The following WASF2 variants were observed in gnomAD, a reference collection of about 807,000 sequenced individuals.
WASF2 encodes the protein WASP family member 2, also known as actin-binding protein WASF2.
Under a neutral mutation model 45.0 loss-of-function variants are expected in WASF2, and 14 were observed. That is an observed-to-expected ratio of 0.31 (90% CI 0.21 to 0.49). WASF2 has a LOEUF of 0.49. WASF2 is among the 20% of genes least tolerant of loss of function. The pLI, the probability that WASF2 is intolerant of heterozygous loss-of-function variation, is 0.99. For missense variants in WASF2, 439 were observed against 636.1 expected (o/e 0.69, Z 3.33); for synonymous variants, 200 against 236.3 (o/e 0.85, Z 1.41).
At chr1:27,456,174 T>C (rs1184656169) in intron 1 of WASF2, among the ~76,000 whole-genome samples, 2 of 151,688 alleles carry the variant, frequency 1.3e-5, no homozygotes, top group Non-Finnish European at 2.9e-5. Flanking sequence ...TACAAAAAAT[T>C]AGCCAGGCGT....
intron 1 of WASF2, among the ~76,000 whole-genome samples, chr1:27,445,517 A>G (rs1207847558): frequency 6.6e-6 from 1 of 152,228 alleles, no homozygotes; most frequent in East Asian, 1.9e-4. Flanking sequence ...CTGCATGCTA[A>G]CACAAGAAAG....
chr1:27,477,815 C>A (rs1295303462), intron 1 of WASF2, among the ~76,000 whole-genome samples: 1 of 119,992 alleles, frequency 8.3e-6, no homozygotes, highest in Admixed American at 7.6e-5. Context: ...AGGAGAATGG[C>A]GTGAACCCGG....
At chr1:27,415,549 C>A (rs952091154) in intron 5 of WASF2, among the ~76,000 whole-genome samples, 1 of 152,126 alleles carries the variant, frequency 6.6e-6, no homozygotes, top group African/African-American at 2.4e-5. Flanking sequence ...TATATCCCCC[C>A]ACCCTAGCCC....
chr1:27,470,342 G>A (rs1416661069), intron 1 of WASF2, among the ~76,000 whole-genome samples: 1 of 152,182 alleles, frequency 6.6e-6, no homozygotes, highest in Admixed American at 6.5e-5. Context: ...AAGTTTAGTA[G>A]AAAAGAATGG....
At chr1:27,413,578 G>C (rs527620061) in intron 6 of WASF2, among the ~76,000 whole-genome samples, 1 of 152,170 alleles carries the variant, frequency 6.6e-6, no homozygotes, top group Admixed American at 6.5e-5. Context: ...TGGAGCCCTG[G>C]AGCCTTGGCA....
At chr1:27,422,901 G>A (rs995196048) in intron 2 of WASF2, among the ~76,000 whole-genome samples, 6 of 152,160 alleles carry the variant, frequency 3.9e-5, no homozygotes, top group African/African-American at 1.4e-4. Context: ...TGCTTTGGGA[G>A]GCCGAGGCGG....
At chr1:27,446,010 C>A (rs1214778871) in intron 1 of WASF2, among the ~76,000 whole-genome samples, 1 of 151,846 alleles carries the variant, frequency 6.6e-6, no homozygotes, top group Non-Finnish European at 1.5e-5. Context: ...ATAATTATAT[C>A]AGAAGTGAGT....
chr1:27,437,067 A>T (rs1005346662), intron 1 of WASF2, among the ~76,000 whole-genome samples: 1 of 152,206 alleles, frequency 6.6e-6, no homozygotes, highest in African/African-American at 2.4e-5. Context: ...AGGACCATTC[A>T]TTCACACCTG....
intron 1 of WASF2, among the ~76,000 whole-genome samples, chr1:27,488,221 A>C (rs1283431813): frequency 6.6e-6 from 1 of 152,104 alleles, no homozygotes; most frequent in African/African-American, 2.4e-5. Context: ...AGCCGTCCCT[A>C]CTATTCTGAT....
At chr1:27,477,973 C>T (rs1385949435) in intron 1 of WASF2, among the ~76,000 whole-genome samples, 1 of 150,482 alleles carries the variant, frequency 6.6e-6, no homozygotes, top group Non-Finnish European at 1.5e-5. Flanking sequence ...GGAGGCAGGC[C>T]GGGTGTAGTG....
chr1:27,477,917 A>AGT, intron 1 of WASF2, among the ~76,000 whole-genome samples: 1 of 97,432 alleles, frequency 1.0e-5, no homozygotes, highest in Non-Finnish European at 1.8e-5. Flanking sequence ...AAAATAAATA[A>AGT]ATAAAAAAAA....
At chr1:27,420,711 C>T (rs1188093748) in intron 2 of WASF2, among the ~76,000 whole-genome samples, 3 of 151,456 alleles carry the variant, frequency 2.0e-5, no homozygotes, top group Admixed American at 1.3e-4. Context: ...TTAGTAGAGA[C>T]GGGGTTTCAT....
intron 1 of WASF2, among the ~76,000 whole-genome samples, chr1:27,452,374 G>C (rs1283104796): frequency 6.6e-6 from 1 of 151,898 alleles, no homozygotes; most frequent in Non-Finnish European, 1.5e-5. Context: ...TTAGCTGGGC[G>C]TGGTGGTGCG....
chr1:27,466,875 A>G (rs188168013), intron 1 of WASF2, among the ~76,000 whole-genome samples: 35 of 152,218 alleles, frequency 2.3e-4, no homozygotes, highest in African/African-American at 7.9e-4. Flanking sequence ...ACAAATCACA[A>G]TAATTTTTTA....
chr1:27,475,071 TCAAG>T (rs1277807057), intron 1 of WASF2, among the ~76,000 whole-genome samples: 6 of 152,050 alleles, frequency 3.9e-5, no homozygotes, highest in Middle Eastern at 3.4e-3. Flanking sequence ...GGCCAGGGGT[TCAAG>T]ACCAGCCTGG....
intron 1 of WASF2, among the ~76,000 whole-genome samples, chr1:27,462,627 A>C (rs1434572501): frequency 6.6e-6 from 1 of 152,052 alleles, no homozygotes; most frequent in Non-Finnish European, 1.5e-5. Context: ...CTTTATGGAA[A>C]ATTTTTCCCT....
Position 27,408,142 on chromosome 1 carries a change from G to C in WASF2, c.*47C>G, listed in dbSNP as rs762457809. 5 of 1,590,856 alleles carry C rather than the reference G, an allele frequency of 3.1e-6. No individual in the cohort carries two copies. Among genetic ancestry groups the C allele is most frequent in the Non-Finnish European group, 4.3e-6 (5 of 1,164,752 alleles). ...TCTGTTGGGGTTGGCATCAAAGAAG[G>C]CAGGTAGGAAGGAAAGAAAAAGAAG... On this transcript the variant is annotated 3_prime_UTR_variant, in exon 9 of 9. Transcript: ENST00000618852.
At chr1:27,415,063 G>A (rs2016809835) in intron 5 of WASF2, 100 bp from the exon 6 acceptor site, 2 of 1,436,026 alleles carry the variant, frequency 1.4e-6, no homozygotes, top group South Asian at 2.5e-5. Context: ...GAGATAATCT[G>A]CCTAGACAAC....
rs2016674456 is a variant in WASF2, at chr1:27,406,330, G to C, written c.*1859C>G. ...TGTAAAGAGGGAAGAGGGCACACTT[G>C]GGAGTGGCCACAGCAAGACGGCATG... On this transcript the variant is annotated 3_prime_UTR_variant, in exon 9 of 9. Transcript: ENST00000618852. 6.6e-6 allele frequency: 1 copy of C among 152,506 alleles called. No individual in the cohort carries two copies. Among genetic ancestry groups the C allele is most frequent in the South Asian group, 2.1e-4 (1 of 4,824 alleles). The allele number at this position is 152,506 out of a possible 1,614,324, so 9.4% of individuals were successfully genotyped here.
Sources: gnomAD v4.1 joint callset for allele counts (sites outside exome capture counted in the v4.1 genomes callset) on GRCh38, gnomAD v4.1.1 for gene constraint, MANE v1.5 for transcripts, NCBI Gene and HGNC (gene_info 2026-07-23, HGNC 2026-07-21) for gene names.